The following KIF6 variants were observed in gnomAD, a reference collection of about 807,000 sequenced individuals.
The protein encoded by KIF6 is kinesin-like protein KIF6.
KIF6 carries 106 observed loss-of-function variants against 112.7 expected under a neutral mutation model. The ratio of observed to expected loss-of-function variants is 0.94; its 90% CI spans 0.80 to 1.11. The LOEUF (loss-of-function observed/expected upper bound fraction) is 1.11. Ranked by LOEUF, KIF6 falls within the 50% of genes least tolerant of loss-of-function variation. The probability of loss-of-function intolerance (pLI) is 0.00; values close to 1 mark genes in which losing one functional copy is unlikely to be tolerated. For missense variants in KIF6, 929 were observed against 964.0 expected (o/e 0.96, Z 0.48); for synonymous variants, 339 against 339.9 (o/e 1.00, Z 0.03).
chr6:39,648,607 C>T (rs920371683), intron 3 of KIF6, among the ~76,000 whole-genome samples: 2 of 152,170 alleles, frequency 1.3e-5, no homozygotes, highest in Non-Finnish European at 2.9e-5. Flanking sequence ...ACATGTTCTT[C>T]AGTTTGCTGT....
At chr6:39,644,570 T>C (rs1399323853) in intron 3 of KIF6, among the ~76,000 whole-genome samples, 1 of 152,080 alleles carries the variant, frequency 6.6e-6, no homozygotes. Flanking sequence ...AAAGATGATA[T>C]ATTGTGATTC....
Position 39,336,971 on chromosome 6 carries a change from TC to T in KIF6, c.2429-424del, listed in dbSNP as rs1172644847. 2.3e-3 allele frequency among the ~76,000 whole-genome samples: 331 copies of T among 144,740 alleles called. 2 individuals are homozygous for T. Among genetic ancestry groups the T allele is most frequent in the African/African-American group, 8.9e-3 (314 of 35,278 alleles). 95.0% of individuals were successfully genotyped at this position (144,740 alleles called of 152,430 possible). A position where few individuals can be genotyped will look rare whatever the true frequency, so the allele number is the denominator to read the frequency against. On this transcript the variant is annotated intron_variant, in intron 22 of 22. Transcript: ENST00000287152. Reference sequence around the variant, plus strand: ...TTTCTCTTTCTTCTCTTTCATTCTTTCTCTCTTTCTCTCCCCTTCTTTCCTT... The same window carrying T: ...TTTCTCTTTCTTCTCTTTCATTCTTTTCTCTTTCTCTCCCCTTCTTTCCTT...
At chr6:39,697,265 T>C (rs548752464) in intron 3 of KIF6, among the ~76,000 whole-genome samples, 122 of 152,126 alleles carry the variant, frequency 8.0e-4, no homozygotes, top group African/African-American at 2.8e-3. Flanking sequence ...GTGACAGTGA[T>C]TGGTCTGGGG....
At chr6:39,341,066 G>A (rs1325905801) in intron 22 of KIF6, among the ~76,000 whole-genome samples, 2 of 152,022 alleles carry the variant, frequency 1.3e-5, no homozygotes, top group African/African-American at 2.4e-5. Flanking sequence ...GTTTCAGCAC[G>A]TGAGCATGTC....
chr6:39,531,557 G>A (rs1778061161), intron 13 of KIF6, among the ~76,000 whole-genome samples: 1 of 152,108 alleles, frequency 6.6e-6, no homozygotes, highest in South Asian at 2.1e-4. Context: ...TAAGCCATGA[G>A]GTTCTAACAT....
chr6:39,608,468 A>G (rs181280869), intron 6 of KIF6, among the ~76,000 whole-genome samples: 99 of 152,310 alleles, frequency 6.5e-4, no homozygotes, highest in African/African-American at 2.2e-3. Context: ...GAAAGTGAAA[A>G]ACAGAATCAT....
chr6:39,431,452 C>A (rs1257146190), intron 13 of KIF6: 2 of 295,040 alleles, frequency 6.8e-6, no homozygotes, highest in Non-Finnish European at 6.3e-6. Flanking sequence ...CAGCGCCAAG[C>A]CCTGGACTGC....
At chr6:39,621,671 A>G (rs1783829500) in intron 5 of KIF6, among the ~76,000 whole-genome samples, 1 of 152,236 alleles carries the variant, frequency 6.6e-6, no homozygotes. Flanking sequence ...TTGCACATTA[A>G]AATCCAATAA....
intron 16 of KIF6, among the ~76,000 whole-genome samples, chr6:39,384,427 T>C (rs1474846823): frequency 6.6e-6 from 1 of 152,186 alleles, no homozygotes; most frequent in Non-Finnish European, 1.5e-5. Flanking sequence ...AGAATCTCAA[T>C]GCTAAGTGTG....
intron 3 of KIF6, among the ~76,000 whole-genome samples, chr6:39,657,237 A>C (rs1035022527): frequency 2.7e-5 from 4 of 146,482 alleles, no homozygotes; most frequent in African/African-American, 1.1e-4. Flanking sequence ...CCATCTCAAA[A>C]AAAAAAGAAA....
At chr6:39,673,768 T>C (rs1161793996) in intron 3 of KIF6, among the ~76,000 whole-genome samples, 1 of 152,178 alleles carries the variant, frequency 6.6e-6, no homozygotes, top group Non-Finnish European at 1.5e-5. Flanking sequence ...ATGAATGTTG[T>C]TTGGGGTTAT....
chr6:39,612,224 C>T (rs192841355), intron 6 of KIF6, among the ~76,000 whole-genome samples: 20 of 152,270 alleles, frequency 1.3e-4, no homozygotes, highest in South Asian at 4.1e-4. Flanking sequence ...GGTCCCTTGA[C>T]GGAGATTTTT....
chr6:39,583,618 GT>G (rs200195723), intron 9 of KIF6: 86 of 243,436 alleles, frequency 3.5e-4, no homozygotes, highest in East Asian at 1.7e-3. Context: ...TAATTTGTTG[GT>G]TTTTTTTTGA....
At chr6:39,671,476 C>T (rs1043170447) in intron 3 of KIF6, among the ~76,000 whole-genome samples, 1 of 152,192 alleles carries the variant, frequency 6.6e-6, no homozygotes, top group Non-Finnish European at 1.5e-5. Context: ...CTATCCTAGG[C>T]ATTGGTGCCT....
chr6:39,445,701 G>A (rs536083781), intron 13 of KIF6, among the ~76,000 whole-genome samples: 1 of 152,336 alleles, frequency 6.6e-6, no homozygotes, highest in Admixed American at 6.5e-5. Context: ...ATTTCTCAGG[G>A]AATGTTCCTC....
intron 21 of KIF6, 42 bp downstream of exon 21, chr6:39,345,658 C>T (rs1763649988): frequency 6.5e-7 from 1 of 1,549,714 alleles, no homozygotes; most frequent in South Asian, 1.2e-5. Context: ...ACTCCGCCCA[C>T]TGCAGGGGCT....
intron 7 of KIF6, among the ~76,000 whole-genome samples, chr6:39,592,603 C>T (rs1322206268): frequency 6.6e-6 from 1 of 152,196 alleles, no homozygotes; most frequent in Non-Finnish European, 1.5e-5. Context: ...CTGTGGGTCA[C>T]ACCGGGAGCA....
intron 15 of KIF6, among the ~76,000 whole-genome samples, chr6:39,403,670 G>C (rs763306269): frequency 6.1e-4 from 93 of 152,216 alleles, no homozygotes; most frequent in Non-Finnish European, 1.0e-3. Context: ...AGGGTAGGTA[G>C]TTGGCTTGTA....
At chr6:39,625,093 G>A (rs149489261) in intron 5 of KIF6, among the ~76,000 whole-genome samples, 61 of 152,320 alleles carry the variant, frequency 4.0e-4, no homozygotes, top group Non-Finnish European at 7.2e-4. Context: ...AAGCCAGGAA[G>A]AGAGCCCTCA....
Sources: gnomAD v4.1 joint callset for allele counts (sites outside exome capture counted in the v4.1 genomes callset) on GRCh38, gnomAD v4.1.1 for gene constraint, MANE v1.5 for transcripts, NCBI Gene and HGNC (gene_info 2026-07-23, HGNC 2026-07-21) for gene names.